Variants in DRG2 observed in about 807,000 individuals in gnomAD.
DRG2 encodes the protein developmentally regulated GTP binding protein 2.
Under a neutral mutation model 53.4 loss-of-function variants are expected in DRG2, and 36 were observed. The ratio of observed to expected loss-of-function variants is 0.67; its 90% CI spans 0.52 to 0.89. DRG2 has a LOEUF of 0.89. Ranked by LOEUF, DRG2 falls within the 40% of genes least tolerant of loss-of-function variation. DRG2 has a pLI of 0.00. For synonymous variants in DRG2, 167 were observed against 192.1 expected (o/e 0.87, Z 1.08); for missense variants, 342 against 481.2 (o/e 0.71, Z 2.71).
intron 10 of DRG2, 72 bp from the exon 11 acceptor site, chr17:18,104,551 C>G: frequency 1.2e-6 from 2 of 1,607,566 alleles, no homozygotes; most frequent in Admixed American, 3.4e-5. Flanking sequence ...CAGCTCTTCC[C>G]TCGCGCAGAA....
chr17:18,104,529 G>A (rs2045593659), intron 10 of DRG2, 94 bp from the exon 11 acceptor site: 7 of 1,589,840 alleles, frequency 4.4e-6, no homozygotes, highest in Non-Finnish European at 6.0e-6. Context: ...AGACCGAAAG[G>A]GCCTCTGTGG....
chr17:18,098,566 G>A lies in DRG2; in HGVS notation c.315+207G>A. Reference sequence around the variant, plus strand: ...TGCCTGGTGGGGCCTGGAACTAGGAGGTCAGGCCAGCATGTGGCTACTTTG... The same window carrying A: ...TGCCTGGTGGGGCCTGGAACTAGGAAGTCAGGCCAGCATGTGGCTACTTTG... On this transcript the variant is annotated intron_variant, in intron 3 of 12. Coordinates refer to ENST00000225729, the MANE Select transcript of DRG2 (RefSeq NM_001388.5). This position sits in a 1 kb window ranked among gnomAD's most constrained non-coding sequence, Gnocchi z 4.1. 1 of 526,812 alleles carries A rather than the reference G, an allele frequency of 1.9e-6. No homozygotes were observed. The highest frequency in any genetic ancestry group is 3.5e-6 in the Non-Finnish European group (1 of 289,614). 32.6% of individuals were successfully genotyped at this position (526,812 alleles called of 1,614,324 possible).
At chr17:18,101,382 C>T (rs1053278687) in intron 7 of DRG2, 111 bp from the exon 8 acceptor site, 21 of 958,614 alleles carry the variant, frequency 2.2e-5, no homozygotes, top group Admixed American at 6.6e-5. Context: ...AAGCAGATAC[C>T]GCCACGGTCC....
Position 18,107,287 on chromosome 17 carries a change from G to A in DRG2, c.*47G>A, listed in dbSNP as rs372103375. On this transcript the variant is annotated 3_prime_UTR_variant, in exon 13 of 13. Transcript: ENST00000225729. ...CCCACCTGCCTCGTCTCCCTGGGGA[G>A]GTGGTCCCACTGGGACACACAAACA... 2.5e-6 allele frequency: 4 copies of A among 1,586,122 alleles called. No individual in the cohort carries two copies. Among genetic ancestry groups the A allele is most frequent in the South Asian group, 2.2e-5 (2 of 90,310 alleles).
chr17:18,094,872 G>T lies in DRG2; in HGVS notation c.225+899G>T, dbSNP rs113636098. ...GCCTGTAATCTCAGTTACTCGGGAGGCTGAGGCAGGAGAATCGCTTGAACC... is the reference window on the plus strand; with the variant it reads ...GCCTGTAATCTCAGTTACTCGGGAGTCTGAGGCAGGAGAATCGCTTGAACC... On this transcript the variant is annotated intron_variant, in intron 2 of 12. Coordinates refer to ENST00000225729, the MANE Select transcript of DRG2 (RefSeq NM_001388.5). 7.7e-3 allele frequency among the ~76,000 whole-genome samples: 1,129 copies of T among 147,306 alleles called. 12 individuals carry two copies. Among genetic ancestry groups the T allele is most frequent in the African/African-American group, 0.027 (1,080 of 39,566 alleles).
At position 18,098,453 on chromosome 17, in the gene DRG2, G is replaced by A; in HGVS notation, c.315+94G>A. ...ACCCTGTGTGTGAGTCTGGGTGGATGTCCCCATGTCAGGACAGGCTCTGGA... is the reference window on the plus strand; with the variant it reads ...ACCCTGTGTGTGAGTCTGGGTGGATATCCCCATGTCAGGACAGGCTCTGGA... On this transcript the variant is annotated intron_variant, in intron 3 of 12. Transcript: ENST00000225729. This position sits in a 1 kb window ranked among gnomAD's most constrained non-coding sequence, Gnocchi z 4.1. 1 of 1,133,588 alleles carries A rather than the reference G, an allele frequency of 8.8e-7. No homozygotes were observed. The highest frequency in any genetic ancestry group is 1.3e-6 in the Non-Finnish European group (1 of 751,852). 70.2% of individuals were successfully genotyped at this position (1,133,588 alleles called of 1,614,324 possible).
At chr17:18,104,766 G>T in intron 11 of DRG2, 85 bp downstream of exon 11, 2 of 1,600,970 alleles carry the variant, frequency 1.2e-6, no homozygotes, top group Non-Finnish European at 1.7e-6. Flanking sequence ...GCCCTGGGCT[G>T]GGGGTGGGCT....
chr17:18,106,397 C>A (rs761613479), intron 11 of DRG2, 36 bp from the exon 12 acceptor site: 1 of 1,613,298 alleles, frequency 6.2e-7, no homozygotes, highest in Non-Finnish European at 8.5e-7. Context: ...TTAGGTGAAG[C>A]CTCACCTCTC....
intron 2 of DRG2, chr17:18,094,184 C>T (rs917248372): frequency 5.2e-6 from 3 of 579,014 alleles, no homozygotes; most frequent in Admixed American, 3.4e-5. Context: ...CTTGGTCTTC[C>T]GACTCAGTCA....
At chr17:18,097,331 AAGGGTGCCTTGGGG>A in intron 2 of DRG2, 1 of 152,300 alleles carries the variant, frequency 6.6e-6, no homozygotes. Flanking sequence ...TGAGAGGTCT[AAGGGTGCCTTGGGG>A]AGGGTGCCCC....
chr17:18,098,464 A>G lies in DRG2; in HGVS notation c.315+105A>G. 1 of 1,039,298 alleles carries G rather than the reference A, an allele frequency of 9.6e-7. No individual in the cohort carries two copies. Among genetic ancestry groups the G allele is most frequent in the East Asian group, 2.5e-5 (1 of 40,442 alleles). 64.4% of individuals were successfully genotyped at this position (1,039,298 alleles called of 1,614,324 possible). The stretch of plus-strand genomic sequence containing the variant: ...GAGTCTGGGTGGATGTCCCCATGTC[A>G]GGACAGGCTCTGGACTGAGCTGCTT... On this transcript the variant is annotated intron_variant, in intron 3 of 12. Transcript: ENST00000225729. This position sits in a 1 kb window ranked among gnomAD's most constrained non-coding sequence, Gnocchi z 4.1.
intron 10 of DRG2, 55 bp from the exon 11 acceptor site, chr17:18,104,568 G>A: frequency 6.2e-7 from 1 of 1,612,354 alleles, no homozygotes; most frequent in Non-Finnish European, 8.5e-7. Context: ...AGAATCACAA[G>A]ATGGCAGTGT....
rs759982908 is a variant in DRG2 at position 18,107,242 on chromosome 17, G to A, written c.*2G>A. 1.4e-5 allele frequency: 23 copies of A among 1,612,096 alleles called. No homozygotes were observed. In the East Asian group the frequency reaches 3.6e-4, roughly 25 times the overall value. On this transcript the variant is annotated 3_prime_UTR_variant, in exon 13 of 13. Coordinates refer to ENST00000225729, the MANE Select transcript of DRG2 (RefSeq NM_001388.5). Reference sequence around the variant, plus strand: ...GTCATCCAGATCGTGAAGAAGTAACGGCGCCTGCCGGGCCTCCCGCCCACC... The same window carrying A: ...GTCATCCAGATCGTGAAGAAGTAACAGCGCCTGCCGGGCCTCCCGCCCACC...
In DRG2 at chr17:18,098,379, C is replaced by A; in HGVS notation, c.315+20C>A. 1 of 1,609,694 alleles carries A rather than the reference C, an allele frequency of 6.2e-7. No homozygotes were observed. The highest frequency in any genetic ancestry group is 8.5e-7 in the Non-Finnish European group (1 of 1,176,168). ...ATTGAAGTAAGTGGGTGTGCTGGGC[C>A]CAGAAGGAGAAGGGGCGCATGCTTG... is the stretch of plus-strand genomic sequence containing the variant. On this transcript the variant is annotated intron_variant, in intron 3 of 12. Transcript: ENST00000225729. The surrounding 1 kb of genome is among the most constrained non-coding windows in gnomAD (Gnocchi z 4.1).
chr17:18,088,522 T>G (rs1211365135), intron 1 of DRG2, among the ~76,000 whole-genome samples: 2 of 152,224 alleles, frequency 1.3e-5, no homozygotes, highest in African/African-American at 4.8e-5. Flanking sequence ...ATCAGGACTC[T>G]GGAGTCTGGA....
In DRG2 at chr17:18,088,100, C is replaced by G; in HGVS notation, c.64+13C>G. ...CAGAAGAACAAGGGTGAGGGCCGGC[C>G]GGGCGGGGCCTTCCTTTCTGCCTGC... On this transcript the variant is annotated intron_variant, in intron 1 of 12. Transcript: ENST00000225729. The G allele has an allele frequency of 6.5e-7, 1 of 1,539,148 alleles. No homozygotes were observed. The highest frequency in any genetic ancestry group is 1.2e-5 in the South Asian group (1 of 82,158).
rs200030455 is a variant in DRG2, at chr17:18,107,140, C to G, written c.1009-14C>G. ...CAGGCTGAGGTGACCCCTCTGCCCC[C>G]ATTCCTCACCCAGGGCACCAGCACC... On this transcript the variant is annotated splice_polypyrimidine_tract_variant and intron_variant, in intron 12 of 12. Transcript: ENST00000225729. The G allele has an allele frequency of 6.2e-7, 1 of 1,612,826 alleles. No individual in the cohort carries two copies. The highest frequency in any genetic ancestry group is 1.7e-5 in the Admixed American group (1 of 60,026).
At chr17:18,096,399 G>C (rs955003480) in intron 2 of DRG2, 1 of 152,170 alleles carries the variant, frequency 6.6e-6, no homozygotes, top group African/African-American at 2.4e-5. Context: ...ATGGATTCGT[G>C]GGGGGTTATT....
chr17:18,103,901 T>C lies in DRG2; in HGVS notation c.895+12T>C. ...CAAGAAGAGAGGACGTGAGTTGCAC[T>C]GCGCGTAGCTGAAAAACAGGCTGAG... On this transcript the variant is annotated intron_variant, in intron 10 of 12. Coordinates refer to ENST00000225729, the MANE Select transcript of DRG2 (RefSeq NM_001388.5). The surrounding 1 kb of genome is among the most constrained non-coding windows in gnomAD (Gnocchi z 4.4). The C allele has an allele frequency of 1.9e-6, 3 of 1,613,100 alleles. No individual in the cohort carries two copies. Among genetic ancestry groups the C allele is most frequent in the Non-Finnish European group, 2.5e-6 (3 of 1,179,194 alleles).
Sources: gnomAD v4.1 joint callset for allele counts (sites outside exome capture counted in the v4.1 genomes callset) on GRCh38, gnomAD v4.1.1 for gene constraint, Gnocchi (gnomAD v3.1) non-coding constraint, MANE v1.5 for transcripts, NCBI Gene and HGNC (gene_info 2026-07-23, HGNC 2026-07-21) for gene names.